The following POLR3B variants were observed in gnomAD, a reference collection of about 807,000 sequenced individuals.
The protein encoded by POLR3B is DNA-directed RNA polymerase III subunit RPC2.
POLR3B carries 96 observed loss-of-function variants against 147.4 expected under a neutral mutation model. The observed-to-expected ratio is 0.65, with a 90% CI of 0.55 to 0.77. The LOEUF (loss-of-function observed/expected upper bound fraction) is 0.77, where lower values mean the gene tolerates loss of function less well. POLR3B is among the 30% of genes least tolerant of loss of function. The pLI, the probability that POLR3B is intolerant of heterozygous loss-of-function variation, is 0.00. For missense variants in POLR3B, 1,036 were observed against 1,413.5 expected (o/e 0.73, Z 4.28); for synonymous variants, 461 against 485.9 (o/e 0.95, Z 0.67).
chr12:106,409,355 G>GTTT lies in POLR3B; in HGVS notation c.967-1457_967-1455dup, dbSNP rs1164848244. Among the ~76,000 whole-genome samples the GTTT allele has an allele frequency of 6.7e-4, 83 of 123,092 alleles. 2 individuals are homozygous for GTTT. Among genetic ancestry groups the GTTT allele is most frequent in the Non-Finnish European group, 1.2e-3 (74 of 62,874 alleles). The allele number at this position is 123,092 out of a possible 152,430, so 80.8% of individuals were successfully genotyped here. ...TTACGATTGTAAGAGGGTTTTTTTT[G>GTTT]TTTTTTTTTTTTTTTTCTTGAGGAT... is the stretch of plus-strand genomic sequence containing the variant. On this transcript the variant is annotated intron_variant, in intron 11 of 27. Coordinates refer to ENST00000228347, the MANE Select transcript of POLR3B (RefSeq NM_018082.6).
At chr12:106,507,537 T>G (rs529641222) in intron 27 of POLR3B, 11 of 245,488 alleles carry the variant, frequency 4.5e-5, no homozygotes, top group South Asian at 4.1e-4. Context: ...CTAGATAAAT[T>G]ACATCAACCC....
At chr12:106,379,391 T>C (rs2036729004) in intron 8 of POLR3B, among the ~76,000 whole-genome samples, 1 of 152,196 alleles carries the variant, frequency 6.6e-6, no homozygotes, top group South Asian at 2.1e-4. Flanking sequence ...TCCTCATAAG[T>C]GATTTTGAGA....
intron 9 of POLR3B, among the ~76,000 whole-genome samples, chr12:106,385,515 T>C (rs1191368914): frequency 6.6e-6 from 1 of 152,206 alleles, no homozygotes; most frequent in Admixed American, 6.5e-5. Context: ...GAGGCTGAAC[T>C]AAGTTCGTTG....
At chr12:106,429,295 A>G (rs1275261275) in intron 13 of POLR3B, among the ~76,000 whole-genome samples, 1 of 152,130 alleles carries the variant, frequency 6.6e-6, no homozygotes, top group African/African-American at 2.4e-5. Context: ...GTGCACCACC[A>G]CGCCCAGCTA....
intron 10 of POLR3B, among the ~76,000 whole-genome samples, chr12:106,399,514 A>G (rs1020990779): frequency 1.1e-4 from 17 of 152,212 alleles, no homozygotes; most frequent in African/African-American, 4.1e-4. Context: ...CAACTCCAAG[A>G]CGCATAATTG....
chr12:106,431,957 T>G (rs572404385), intron 14 of POLR3B, among the ~76,000 whole-genome samples: 7 of 152,362 alleles, frequency 4.6e-5, no homozygotes, highest in African/African-American at 1.7e-4. Flanking sequence ...TTTCCTTTAC[T>G]TATTTTATAC....
At chr12:106,410,141 A>G (rs2037206280) in intron 11 of POLR3B, 1 of 152,396 alleles carries the variant, frequency 6.6e-6, no homozygotes, top group African/African-American at 2.4e-5. Context: ...TAGTGGCTTA[A>G]TGTAACTGTT....
Position 106,509,441 on chromosome 12 carries a change from C to G in POLR3B, c.3294C>G (p.Ser1098=). Residue 1098 remains serine (S), a synonymous_variant, in exon 28 of 28, where the codon TCC becomes TCG. Transcript: ENST00000228347. ...TCAGGTGCCATTACTGCAAGTCATC[C>G]TGCCACGTGTCTTCCCTCCGTATTC... ...YSGWCHYCKS[S]CHVSSLRIPY... The G allele has an allele frequency of 6.2e-7, 1 of 1,613,930 alleles. No individual in the cohort carries two copies. The highest frequency in any genetic ancestry group is 8.5e-7 in the Non-Finnish European group (1 of 1,179,848).
chr12:106,491,008 C>T (rs1436782329), intron 23 of POLR3B, among the ~76,000 whole-genome samples: 1 of 152,184 alleles, frequency 6.6e-6, no homozygotes, highest in Non-Finnish European at 1.5e-5. Context: ...TTTTCTGCCT[C>T]TCCAGCCAAA....
Position 106,446,965 on chromosome 12 carries a change from A to G in POLR3B, c.2083+2375A>G, listed in dbSNP as rs143460928. Among the ~76,000 whole-genome samples, 682 of 152,326 alleles carry G rather than the reference A, an allele frequency of 4.5e-3. 4 individuals carry two copies. The highest frequency in any genetic ancestry group is 0.016 in the African/African-American group (657 of 41,566). On this transcript the variant is annotated intron_variant, in intron 19 of 27. Coordinates refer to ENST00000228347, the MANE Select transcript of POLR3B (RefSeq NM_018082.6). The stretch of plus-strand genomic sequence containing the variant: ...ACCCACAGCAGATACCCAGGTCTGT[A>G]ATGCAGACTTCGCACTTTGAGTAGG...
chr12:106,496,022 G>T (rs750513948), intron 23 of POLR3B, 33 bp from the exon 24 acceptor site: 1 of 1,264,288 alleles, frequency 7.9e-7, no homozygotes, highest in Non-Finnish European at 1.2e-6. Context: ...CTGCCAACTT[G>T]CTTTATGTGG....
chr12:106,478,305 G>A (rs1592765058), intron 23 of POLR3B, among the ~76,000 whole-genome samples: 1 of 152,128 alleles, frequency 6.6e-6, no homozygotes, highest in African/African-American at 2.4e-5. Flanking sequence ...TTGTGCTATA[G>A]CATTTTTTCA....
intron 1 of POLR3B, chr12:106,358,214 C>A: frequency 2.1e-6 from 3 of 1,407,214 alleles, no homozygotes; most frequent in Non-Finnish European, 2.8e-6. Flanking sequence ...TGGAGCTCTT[C>A]CAGCATAGGT....
intron 25 of POLR3B, among the ~76,000 whole-genome samples, chr12:106,500,864 C>T (rs2038588847): frequency 6.6e-6 from 1 of 152,154 alleles, no homozygotes; most frequent in Non-Finnish European, 1.5e-5. Context: ...AATACAGATT[C>T]CAAGTATGAT....
rs184218212 is a variant in POLR3B, at chr12:106,471,195, T to A, written c.2713+7575T>A. Reference sequence around the variant, plus strand: ...GTGGATGCCCCTGCCTCTGCCACACTCCACCATCCCAGGTTGATCTCAGAC... The same window carrying A: ...GTGGATGCCCCTGCCTCTGCCACACACCACCATCCCAGGTTGATCTCAGAC... On this transcript the variant is annotated intron_variant, in intron 23 of 27. Coordinates refer to ENST00000228347, the MANE Select transcript of POLR3B (RefSeq NM_018082.6). Among the ~76,000 whole-genome samples, 372 of 152,214 alleles carry A rather than the reference T, an allele frequency of 2.4e-3. 2 individuals carry two copies. Among genetic ancestry groups the A allele is most frequent in the Non-Finnish European group, 3.7e-3 (254 of 68,000 alleles).
intron 26 of POLR3B, among the ~76,000 whole-genome samples, chr12:106,502,845 A>C (rs2038623477): frequency 6.6e-6 from 1 of 152,228 alleles, no homozygotes; most frequent in South Asian, 2.1e-4. Flanking sequence ...CATTTCAGTT[A>C]CAACATCCAA....
chr12:106,424,298 T>A lies in POLR3B; in HGVS notation c.1102-2899T>A, dbSNP rs573004535. ...TAGAACACTTCATGGGTGGTGGGAGTATATCCTATCCTGTATGTCTGATTT... is the reference window on the plus strand; with the variant it reads ...TAGAACACTTCATGGGTGGTGGGAGAATATCCTATCCTGTATGTCTGATTT... On this transcript the variant is annotated intron_variant, in intron 12 of 27. Coordinates refer to ENST00000228347, the MANE Select transcript of POLR3B (RefSeq NM_018082.6). 1.6e-4 allele frequency among the ~76,000 whole-genome samples: 25 copies of A among 152,260 alleles called. No homozygotes were observed. The South Asian group carries it at 5.0e-3, about 30-fold the overall frequency.
chr12:106,380,015 T>G lies in POLR3B; in HGVS notation c.615-16T>G. The G allele has an allele frequency of 6.5e-7, 1 of 1,529,656 alleles. No individual in the cohort carries two copies. Among genetic ancestry groups the G allele is most frequent in the South Asian group, 1.1e-5 (1 of 89,324 alleles). 94.8% of individuals were successfully genotyped at this position (1,529,656 alleles called of 1,614,324 possible). ...TAAGTGGGGATGCAGTTTAACCAAC[T>G]TGTATTTACTCATAGCTCTACCCAT... On this transcript the variant is annotated splice_polypyrimidine_tract_variant and intron_variant, in intron 8 of 27. Coordinates refer to ENST00000228347, the MANE Select transcript of POLR3B (RefSeq NM_018082.6).
At chr12:106,438,024 A>G (rs972261231) in intron 18 of POLR3B, among the ~76,000 whole-genome samples, 10 of 152,090 alleles carry the variant, frequency 6.6e-5, no homozygotes, top group African/African-American at 2.4e-4. Flanking sequence ...TTAGCTATTT[A>G]TCTTGATGCT....
Sources: allele counts gnomAD v4.1 joint callset (sites outside exome capture counted in the v4.1 genomes callset), GRCh38; gene constraint gnomAD v4.1.1; transcripts MANE v1.5; gene names NCBI Gene and HGNC (gene_info 2026-07-23, HGNC 2026-07-21).